Variants in ATP6V1E1 observed in about 807,000 individuals in gnomAD.
ATP6V1E1 encodes ATPase H+ transporting V1 subunit E1, also known as V-type proton ATPase subunit E 1.
ATP6V1E1 carries 21 observed loss-of-function variants against 35.2 expected under a neutral mutation model. The ratio of observed to expected loss-of-function variants is 0.60; its 90% CI spans 0.42 to 0.86. The LOEUF (loss-of-function observed/expected upper bound fraction) is 0.86. Among genes scored for constraint, ATP6V1E1 ranks in the 40% least tolerant of loss-of-function variants. The pLI is 0.00. For synonymous variants in ATP6V1E1, 83 were observed against 87.8 expected (o/e 0.95, Z 0.30); for missense variants, 183 against 272.6 (o/e 0.67, Z 2.32).
rs775057538 is a variant in ATP6V1E1 at position 17,612,816 on chromosome 22, A to G, written c.272T>C (p.Ile91Thr). Residue 91 changes from isoleucine to threonine, a missense_variant, in exon 4 of 9, where the codon ATC (isoleucine) becomes ACC (threonine). Physicochemically the swap from Ile to Thr is moderately conservative, Grantham distance 89. Transcript: ENST00000253413. ...LKVLRARDDL[I>T]TDLLNEAKQR... The stretch of plus-strand genomic sequence containing the variant: ...TAATAGGGGCTAATTACTCACTGTG[A>G]TAAGGTCATCTCTTGCTCTGAGGAC... 2 of 1,597,918 alleles carry G rather than the reference A, an allele frequency of 1.3e-6. No homozygotes were observed. Among genetic ancestry groups the G allele is most frequent in the Non-Finnish European group, 1.7e-6 (2 of 1,175,476 alleles).
At chr22:17,612,901 A>T (rs1164200435) in intron 3 of ATP6V1E1, 23 bp from the exon 4 acceptor site, 51 of 1,589,688 alleles carry the variant, frequency 3.2e-5, no homozygotes, top group Non-Finnish European at 4.1e-5. Context: ...ATTGAAAAAT[A>T]GCATTAGTAA....
chr22:17,610,583 T>C (rs1378451201), intron 4 of ATP6V1E1, among the ~76,000 whole-genome samples: 1 of 152,266 alleles, frequency 6.6e-6, no homozygotes, highest in African/African-American at 2.4e-5. Context: ...TCTTTTGCTA[T>C]AACCTTGTGT....
chr22:17,600,814 T>C (rs1358249147), intron 5 of ATP6V1E1: 1 of 230,844 alleles, frequency 4.3e-6, no homozygotes, highest in African/African-American at 2.3e-5. Flanking sequence ...AAGCTAGCCA[T>C]TGCAAGCAAA....
chr22:17,610,091 C>G (rs2057807946), intron 4 of ATP6V1E1, among the ~76,000 whole-genome samples: 1 of 151,564 alleles, frequency 6.6e-6, no homozygotes, highest in Admixed American at 6.6e-5. Flanking sequence ...CCATTGCATT[C>G]CAGCCTGGGC....
At chr22:17,608,912 C>A (rs1293089514) in intron 4 of ATP6V1E1, among the ~76,000 whole-genome samples, 4 of 152,082 alleles carry the variant, frequency 2.6e-5, no homozygotes, top group Non-Finnish European at 5.9e-5. Flanking sequence ...CGGTGAAACC[C>A]TGTCTGTACT....
intron 4 of ATP6V1E1, among the ~76,000 whole-genome samples, chr22:17,608,574 C>A (rs907287111): frequency 6.6e-6 from 1 of 151,988 alleles, no homozygotes; most frequent in Non-Finnish European, 1.5e-5. Context: ...CACAGGCATG[C>A]GCTACCACAC....
chr22:17,609,687 T>A (rs1381864500), intron 4 of ATP6V1E1, among the ~76,000 whole-genome samples: 1 of 151,442 alleles, frequency 6.6e-6, no homozygotes. Context: ...GCCAGGATGG[T>A]CTCAATCTCC....
chr22:17,612,882 C>CA lies in ATP6V1E1; in HGVS notation c.210-5dup. The CA allele has an allele frequency of 6.2e-7, 1 of 1,605,676 alleles. No homozygotes were observed. The highest frequency in any genetic ancestry group is 8.5e-7 in the Non-Finnish European group (1 of 1,177,972). On this transcript the variant is annotated splice_region_variant and splice_polypyrimidine_tract_variant and intron_variant, in intron 3 of 8. Coordinates refer to ENST00000253413, the MANE Select transcript of ATP6V1E1 (RefSeq NM_001696.4). Reference sequence around the variant, plus strand: ...ATTCATCAAATTGGACATCTGACTGCAAAACGGTATTGAAAAATAGCATTA... The same window carrying CA: ...ATTCATCAAATTGGACATCTGACTGCAAAAACGGTATTGAAAAATAGCATTA...
chr22:17,611,682 A>C (rs949461260), intron 4 of ATP6V1E1, among the ~76,000 whole-genome samples: 1 of 152,242 alleles, frequency 6.6e-6, no homozygotes, highest in Non-Finnish European at 1.5e-5. Flanking sequence ...CCATTCTCCT[A>C]GTCTATCCAC....
At chr22:17,605,507 G>T (rs576501961) in intron 4 of ATP6V1E1, among the ~76,000 whole-genome samples, 1 of 152,186 alleles carries the variant, frequency 6.6e-6, no homozygotes, top group South Asian at 2.1e-4. Flanking sequence ...TCCAGGCTGG[G>T]CAACAAGAGC....
chr22:17,592,825 C>T (rs1056371204), intron 8 of ATP6V1E1, 89 bp from the exon 9 acceptor site: 112 of 1,099,152 alleles, frequency 1.0e-4, no homozygotes, highest in African/African-American at 7.0e-4. Context: ...TTTTTTGAGA[C>T]GGAGTCTCGC....
chr22:17,607,494 T>C (rs1408052240), intron 4 of ATP6V1E1, among the ~76,000 whole-genome samples: 1 of 152,122 alleles, frequency 6.6e-6, no homozygotes, highest in Non-Finnish European at 1.5e-5. Flanking sequence ...TCTTATGTCA[T>C]TCTTGACTCC....
At chr22:17,597,811 A>G (rs1023765186) in intron 7 of ATP6V1E1, among the ~76,000 whole-genome samples, 14 of 152,066 alleles carry the variant, frequency 9.2e-5, no homozygotes, top group Non-Finnish European at 2.1e-4. Context: ...TTGTATTTTT[A>G]GTAGAGACAG....
intron 1 of ATP6V1E1, among the ~76,000 whole-genome samples, chr22:17,627,268 C>CA (rs1472836966): frequency 1.3e-5 from 2 of 151,838 alleles, no homozygotes; most frequent in African/African-American, 2.4e-5. Flanking sequence ...GCTGGGACTA[C>CA]AGGCGCCCGC....
intron 6 of ATP6V1E1, among the ~76,000 whole-genome samples, chr22:17,599,660 C>G (rs2057751990): frequency 6.6e-6 from 1 of 150,394 alleles, no homozygotes; most frequent in Non-Finnish European, 1.5e-5. Context: ...TGGCTCATGC[C>G]TGTAATCCCA....
intron 2 of ATP6V1E1, among the ~76,000 whole-genome samples, chr22:17,616,031 C>CA (rs1279333889): frequency 1.6e-5 from 2 of 127,662 alleles, no homozygotes; most frequent in South Asian, 4.5e-4. Flanking sequence ...GACTCCATCT[C>CA]AAAAAACAAA....
intron 4 of ATP6V1E1, among the ~76,000 whole-genome samples, chr22:17,607,489 T>C (rs1331893894): frequency 1.3e-5 from 2 of 152,204 alleles, no homozygotes; most frequent in Non-Finnish European, 2.9e-5. Flanking sequence ...CAAACTCTTA[T>C]GTCATTCTTG....
At chr22:17,622,201 GT>G (rs2146317153) in intron 1 of ATP6V1E1, among the ~76,000 whole-genome samples, 1 of 152,244 alleles carries the variant, frequency 6.6e-6, no homozygotes, top group African/African-American at 2.4e-5. Flanking sequence ...AATTCATTTT[GT>G]TTATTAATTA....
intron 1 of ATP6V1E1, among the ~76,000 whole-genome samples, chr22:17,626,516 C>T (rs970201028): frequency 6.6e-6 from 1 of 151,698 alleles, no homozygotes; most frequent in African/African-American, 2.4e-5. Flanking sequence ...GCTAGGAGCA[C>T]ATGTGTGCCC....
Sources: allele counts gnomAD v4.1 joint callset (sites outside exome capture counted in the v4.1 genomes callset), GRCh38; gene constraint gnomAD v4.1.1; transcripts MANE v1.5; gene names NCBI Gene and HGNC (gene_info 2026-07-23, HGNC 2026-07-21).